ZNF708: variants seen among roughly 807,000 people sequenced by gnomAD.
ZNF708 encodes the protein zinc finger protein 708.
A neutral mutation model predicts 47.0 loss-of-function variants in ZNF708; 44 were observed. That is an observed-to-expected ratio of 0.94 (90% CI 0.74 to 1.20). The LOEUF is 1.20. Ranked by LOEUF, ZNF708 falls within the 50% of genes most tolerant of loss-of-function variation. The pLI is 0.00. For synonymous variants in ZNF708, 184 were observed against 218.5 expected (o/e 0.84, Z 1.39); for missense variants, 557 against 656.0 (o/e 0.85, Z 1.65).
At chr19:21,300,132 C>T (rs868148927) in intron 3 of ZNF708, among the ~76,000 whole-genome samples, 2 of 151,656 alleles carry the variant, frequency 1.3e-5, no homozygotes, top group Non-Finnish European at 2.9e-5. Flanking sequence ...GGAGAAACCC[C>T]ATCTCTACTA....
At chr19:21,326,092 G>C (rs1279573293) in intron 1 of ZNF708, among the ~76,000 whole-genome samples, 1 of 152,114 alleles carries the variant, frequency 6.6e-6, no homozygotes, top group East Asian at 1.9e-4. Context: ...TGGTGAACAG[G>C]GAACACTTCT....
chr19:21,309,854 T>C (rs1432478018), intron 2 of ZNF708, among the ~76,000 whole-genome samples: 2 of 152,346 alleles, frequency 1.3e-5, no homozygotes, highest in Non-Finnish European at 1.5e-5. Context: ...TGTTCTTAAT[T>C]TTACTACTCA....
Position 21,293,826 on chromosome 19 carries a change from A to G in ZNF708, c.1140T>C (p.Thr380=), listed in dbSNP as rs1972456478. The change falls in exon 4 of 4, where the codon ACT becomes ACC. Residue 380 remains threonine, a synonymous_variant. Coordinates refer to ENST00000356929, the MANE Select transcript of ZNF708 (RefSeq NM_021269.3). ...GKAFNRSSHL[T]NHKVIHTGEK... ...CTCCAGTATGAATTACCTTATGATT[A>G]GTAAGGTGTGAGGACCGGTTAAAAG... 9.3e-6 allele frequency: 15 copies of G among 1,613,148 alleles called. No homozygotes were observed. Among genetic ancestry groups the G allele is most frequent in the Non-Finnish European group, 1.3e-5 (15 of 1,179,744 alleles).
In ZNF708 at chr19:21,294,480, A is replaced by G; in HGVS notation, c.486T>C (p.His162=). The part of the protein sequence containing the change: ...YSNAKRHKIR[H]TGKNPFKCKE... ...TACATTTGAAAGGATTTTTTCCAGT[A>G]TGTCTTATCTTATGTCTCTTTGCAT... Residue 162 remains histidine (H), a synonymous_variant, in exon 4 of 4, where the codon CAT becomes CAC. Transcript: ENST00000356929. 6.2e-7 allele frequency: 1 copy of G among 1,614,156 alleles called. No individual in the cohort carries two copies. The highest frequency in any genetic ancestry group is 1.1e-5 in the South Asian group (1 of 91,088).
At chr19:21,324,417 A>G (rs1973216535) in intron 1 of ZNF708, among the ~76,000 whole-genome samples, 1 of 152,110 alleles carries the variant, frequency 6.6e-6, no homozygotes, top group Non-Finnish European at 1.5e-5. Context: ...AAAATACAAA[A>G]TTAACCAGGT....
chr19:21,312,013 G>T (rs1311597785), intron 1 of ZNF708, among the ~76,000 whole-genome samples: 1 of 152,012 alleles, frequency 6.6e-6, no homozygotes, highest in Admixed American at 6.6e-5. Context: ...AACAACATGG[G>T]GCCAGGTGCG....
chr19:21,316,128 T>C (rs1411132293), intron 1 of ZNF708, among the ~76,000 whole-genome samples: 1 of 64,348 alleles, frequency 1.6e-5, no homozygotes, highest in Non-Finnish European at 3.0e-5. Flanking sequence ...TTTCTTTTCT[T>C]TTTTCTTTTT....
chr19:21,300,438 G>A (rs979272271), intron 3 of ZNF708, among the ~76,000 whole-genome samples: 1 of 150,398 alleles, frequency 6.6e-6, no homozygotes, highest in Non-Finnish European at 1.5e-5. Flanking sequence ...CCTGGGAGGC[G>A]GAGGTTGCGG....
At chr19:21,319,192 T>C (rs1973075976) in intron 1 of ZNF708, among the ~76,000 whole-genome samples, 1 of 152,186 alleles carries the variant, frequency 6.6e-6, no homozygotes, top group South Asian at 2.1e-4. Flanking sequence ...GTATGTTGTC[T>C]AAAAACACTT....
chr19:21,295,606 A>G (rs1451651066), intron 3 of ZNF708, among the ~76,000 whole-genome samples: 5 of 152,134 alleles, frequency 3.3e-5, no homozygotes, highest in Admixed American at 6.6e-5. Context: ...TTAGCTGGGC[A>G]TGGTGGCACA....
At position 21,292,033 on chromosome 19, in the gene ZNF708, CTTAG is replaced by C. The variant is rs1297862166; in HGVS notation, c.*1237_*1240del. 1 of 151,882 alleles carries C rather than the reference CTTAG, an allele frequency of 6.6e-6. No homozygotes were observed. The highest frequency in any genetic ancestry group is 1.5e-5 in the Non-Finnish European group (1 of 68,020). The allele number at this position is 151,882 out of a possible 1,614,324, so 9.4% of individuals were successfully genotyped here. A position where few individuals can be genotyped will look rare whatever the true frequency, so the allele number is the denominator to read the frequency against. ...AGTGTAATGTCTGAAGCATCCATAC[CTTAG>C]TTTGTTTGTTTTTGAGATGGAGTCT... is the stretch of plus-strand genomic sequence containing the variant. On this transcript the variant is annotated 3_prime_UTR_variant, in exon 4 of 4. Transcript: ENST00000356929.
At chr19:21,328,304 G>C (rs12980097) in intron 1 of ZNF708, among the ~76,000 whole-genome samples, 85,028 of 152,008 alleles carry the variant, frequency 0.56, 24,047 homozygotes, top group Middle Eastern at 0.69. Context: ...CCAATGCTTT[G>C]TCAAAAAATG....
Position 21,329,235 on chromosome 19 carries a change from G to A in ZNF708, c.-23C>T. The stretch of plus-strand genomic sequence containing the variant: ...CATTTCTAGGCTTCCAGAGGGTCCT[G>A]GAGTCTTAGCTGTGGATCTCCCAAT... On this transcript the variant is annotated 5_prime_UTR_variant, in exon 1 of 4. Transcript: ENST00000356929. 1.2e-6 allele frequency: 2 copies of A among 1,611,140 alleles called. No individual in the cohort carries two copies. The highest frequency in any genetic ancestry group is 1.7e-6 in the Non-Finnish European group (2 of 1,177,932).
Position 21,293,557 on chromosome 19 carries a change from T to C in ZNF708, c.1409A>G (p.His470Arg), listed in dbSNP as rs202186632. 14 of 1,613,126 alleles carry C rather than the reference T, an allele frequency of 8.7e-6. No homozygotes were observed. In the African/African-American group the frequency reaches 1.1e-4, roughly 12 times the overall value. The change falls in exon 4 of 4, where the codon CAT (histidine) becomes CGT (arginine). Residue 470 changes from histidine to arginine, a missense_variant. His to Arg is a conservative substitution (Grantham distance 29, BLOSUM62 0). Transcript: ENST00000356929. ...ACACTTATAGGGTTTCTCTCCAGTA[T>C]GAATTTTTTTATGATTAGTAAAATT... ...SSNFTNHKKI[H>R]TGEKPYKCEE... is the part of the protein sequence containing the mutation.
chr19:21,318,967 T>C (rs1973071742), intron 1 of ZNF708, among the ~76,000 whole-genome samples: 1 of 152,190 alleles, frequency 6.6e-6, no homozygotes, highest in Non-Finnish European at 1.5e-5. Flanking sequence ...TATTTTTTGA[T>C]ATTAGCTATA....
Position 21,294,127 on chromosome 19 carries a change from T to C in ZNF708, c.839A>G (p.Tyr280Cys). ...HKIVHTGEKP[Y>C]KCEECGKAFK... ...AGCTTTGCCACATTCTTCACATTTG[T>C]AGGGTTTCTCTCCAGTATGAACTAT... The change falls in exon 4 of 4, where the codon TAC becomes TGC. Residue 280 changes from tyrosine (Y) to cysteine (C), a missense_variant. Physicochemically the swap from Tyr to Cys is radical, Grantham distance 194. Coordinates refer to ENST00000356929, the MANE Select transcript of ZNF708 (RefSeq NM_021269.3). The C allele has an allele frequency of 1.2e-6, 2 of 1,613,096 alleles. No homozygotes were observed. Among genetic ancestry groups the C allele is most frequent in the Non-Finnish European group, 1.7e-6 (2 of 1,179,800 alleles).
intron 1 of ZNF708, among the ~76,000 whole-genome samples, chr19:21,326,672 T>A (rs949611970): frequency 2.6e-5 from 4 of 152,216 alleles, no homozygotes; most frequent in African/African-American, 9.7e-5. Context: ...GGCTCATGCC[T>A]ATAATCCCAA....
intron 1 of ZNF708, among the ~76,000 whole-genome samples, chr19:21,327,073 A>G (rs1309156984): frequency 1.3e-5 from 2 of 152,122 alleles, no homozygotes; most frequent in Non-Finnish European, 2.9e-5. Context: ...ATTAATATTA[A>G]TTTTTTCTGA....
At chr19:21,298,435 G>T (rs566199282) in intron 3 of ZNF708, among the ~76,000 whole-genome samples, 2 of 151,844 alleles carry the variant, frequency 1.3e-5, no homozygotes, top group South Asian at 4.2e-4. Flanking sequence ...GTTGTTCAAA[G>T]GTTGAAATAA....
Sources: allele counts gnomAD v4.1 joint callset (sites outside exome capture counted in the v4.1 genomes callset), GRCh38; gene constraint gnomAD v4.1.1; transcripts MANE v1.5; gene names NCBI Gene and HGNC (gene_info 2026-07-23, HGNC 2026-07-21).